PHLDB2: variants seen among roughly 807,000 people sequenced by gnomAD.
The protein encoded by PHLDB2 is pleckstrin homology-like domain family B member 2.
A neutral mutation model predicts 123.6 loss-of-function variants in PHLDB2; 71 were observed. The ratio of observed to expected loss-of-function variants is 0.57; its 90% CI spans 0.47 to 0.70. PHLDB2 has a LOEUF of 0.70. PHLDB2 is among the 30% of genes least tolerant of loss of function. The pLI is 0.00. For synonymous variants in PHLDB2, 547 were observed against 541.6 expected (o/e 1.01, Z -0.14); for missense variants, 1,446 against 1,519.5 (o/e 0.95, Z 0.80).
At chr3:111,876,584 G>A (rs2065632153) in intron 1 of PHLDB2, among the ~76,000 whole-genome samples, 2 of 151,812 alleles carry the variant, frequency 1.3e-5, no homozygotes, top group African/African-American at 2.4e-5. Flanking sequence ...TTTTTTTTAA[G>A]TTATACTTTA....
chr3:111,950,504 A>G (rs986310113), intron 10 of PHLDB2, among the ~76,000 whole-genome samples: 2 of 152,208 alleles, frequency 1.3e-5, no homozygotes, highest in Non-Finnish European at 2.9e-5. Flanking sequence ...TTTGGTCCAT[A>G]AATCTAGTTT....
At chr3:111,832,003 G>A (rs1559855994) in intron 1 of PHLDB2, among the ~76,000 whole-genome samples, 1 of 152,080 alleles carries the variant, frequency 6.6e-6, no homozygotes, top group Non-Finnish European at 1.5e-5. Context: ...AATGATCTGT[G>A]GTGCTGCTTC....
chr3:111,949,057 C>G lies in PHLDB2; in HGVS notation c.2613C>G (p.Ser871Arg). Residue 871 changes from serine (S) to arginine (R), a missense_variant, in exon 10 of 18, where the codon AGC becomes AGG. Around this residue, in one of 3 missense-constraint regions of PHLDB2, gnomAD observed 594 missense variants for 646.0 expected, o/e 0.92. Transcript: ENST00000431670. Reference sequence around the variant, plus strand: ...AGCCTGCCACAGCTGTGCTGGCGAGCCAGCCACAGAGTAAAGAGGTGTGTA... The same window carrying G: ...AGCCTGCCACAGCTGTGCTGGCGAGGCAGCCACAGAGTAAAGAGGTGTGTA... The part of the protein sequence containing the change: ...ATEPATAVLA[S>R]QPQSKEHFRS... 1 of 1,613,752 alleles carries G rather than the reference C, an allele frequency of 6.2e-7. No homozygotes were observed. The highest frequency in any genetic ancestry group is 1.1e-5 in the South Asian group (1 of 91,076).
chr3:111,966,528 G>GTA (rs1491351080), intron 13 of PHLDB2, 85 bp from the exon 14 acceptor site: 2 of 188,788 alleles, frequency 1.1e-5, no homozygotes, highest in African/African-American at 1.2e-4. Context: ...TGTGTCTGGG[G>GTA]TGTGTGTGTG....
At position 111,845,711 on chromosome 3, in the gene PHLDB2, C is replaced by T. The variant is rs2063952682; in HGVS notation, c.-48-110C>T. 6 of 1,264,426 alleles carry T rather than the reference C, an allele frequency of 4.7e-6. No individual in the cohort carries two copies. In the South Asian group the frequency reaches 7.3e-5, roughly 15 times the overall value. 78.3% of individuals were successfully genotyped at this position (1,264,426 alleles called of 1,614,324 possible). A position where few individuals can be genotyped will look rare whatever the true frequency, so the allele number is the denominator to read the frequency against. On this transcript the variant is annotated intron_variant, in intron 1 of 17. Coordinates refer to the PHLDB2 transcript ENST00000393923. Reference sequence around the variant, plus strand: ...TTCAACTTCAGCAGTAGTTAGTTTCCCCGGATGTTAAACATCTGAGTTCAA... The same window carrying T: ...TTCAACTTCAGCAGTAGTTAGTTTCTCCGGATGTTAAACATCTGAGTTCAA...
intron 2 of PHLDB2, among the ~76,000 whole-genome samples, chr3:111,903,085 A>C (rs866413284): frequency 1.3e-5 from 2 of 152,290 alleles, no homozygotes; most frequent in Middle Eastern, 6.8e-3. Context: ...GAATTGGTTC[A>C]TGAGATAAGA....
intron 1 of PHLDB2, among the ~76,000 whole-genome samples, chr3:111,764,286 C>T (rs2060041995): frequency 1.3e-5 from 2 of 152,196 alleles, no homozygotes; most frequent in African/African-American, 4.8e-5. Context: ...ACAAAGAAAT[C>T]CATTAAGTAA....
At position 111,962,230 on chromosome 3, in the gene PHLDB2, C is replaced by T. The variant is rs756029875; in HGVS notation, c.2995C>T (p.Gln999Ter). 1.9e-6 allele frequency: 3 copies of T among 1,580,482 alleles called. No homozygotes were observed. In the South Asian group the frequency reaches 3.6e-5, roughly 19 times the overall value. The change falls in exon 13 of 18, where the codon CAG (glutamine) becomes TAG (stop). Residue 999 changes from glutamine (Q) to a stop codon, truncating the protein, a stop_gained. Transcript: ENST00000431670. LOFTEE classifies it high-confidence loss of function. ...FHYPDHSYKD[Q>*]AFDTLSLDSS... ...TTATCCAGATCACAGCTACAAGGAC[C>T]AGGCCTTTGATACTCTGAGCCTCGA...
intron 6 of PHLDB2, among the ~76,000 whole-genome samples, chr3:111,935,453 G>T (rs2069418815): frequency 6.6e-6 from 1 of 151,772 alleles, no homozygotes; most frequent in African/African-American, 2.4e-5. Context: ...GAGTGTATTA[G>T]TCAGGGTTCT....
chr3:111,945,375 A>C lies in PHLDB2; in HGVS notation c.2487+18A>C. ...TAAAAGAGGTAAGCTATGATTTTACATGTCGCTTTATGTTGCCTTAGAAAT... is the reference window on the plus strand; with the variant it reads ...TAAAAGAGGTAAGCTATGATTTTACCTGTCGCTTTATGTTGCCTTAGAAAT... On this transcript the variant is annotated intron_variant, in intron 9 of 17. Transcript: ENST00000431670. The C allele has an allele frequency of 6.7e-7, 1 of 1,500,786 alleles. No individual in the cohort carries two copies. The highest frequency in any genetic ancestry group is 9.3e-7 in the Non-Finnish European group (1 of 1,080,492). The allele number at this position is 1,500,786 out of a possible 1,614,324, so 93.0% of individuals were successfully genotyped here.
In PHLDB2 at chr3:111,952,604, G is replaced by T; in HGVS notation, c.2664G>T (p.Gln888His). 6.2e-7 allele frequency: 1 copy of T among 1,613,358 alleles called. No homozygotes were observed. Among genetic ancestry groups the T allele is most frequent in the Non-Finnish European group, 8.5e-7 (1 of 1,179,710 alleles). ...GAAGTCTGGAAGAAAGGAAAAAACA[G>T]CATAAAGAAGGCCTCTATCTGAGTG... The part of the protein sequence containing the change: ...HFRSLEERKK[Q>H]HKEGLYLSDT... The change falls in exon 11 of 18, where the codon CAG becomes CAT. Residue 888 changes from glutamine (Q) to histidine (H), a missense_variant. Around this residue, in one of 3 missense-constraint regions of PHLDB2, gnomAD observed 594 missense variants for 646.0 expected, o/e 0.92. Transcript: ENST00000431670.
chr3:111,937,593 T>C (rs1344284533), intron 6 of PHLDB2, among the ~76,000 whole-genome samples: 6 of 151,990 alleles, frequency 3.9e-5, no homozygotes, highest in African/African-American at 1.2e-4. Flanking sequence ...CTGGGCAATA[T>C]GGCAAAACCC....
chr3:111,795,848 C>T (rs916702757), intron 1 of PHLDB2, among the ~76,000 whole-genome samples: 3 of 152,136 alleles, frequency 2.0e-5, no homozygotes, highest in Admixed American at 2.0e-4. Flanking sequence ...CCTCAGCCTC[C>T]CCAGCAGTTG....
intron 1 of PHLDB2, among the ~76,000 whole-genome samples, chr3:111,784,119 A>T (rs2060590498): frequency 6.6e-6 from 1 of 152,174 alleles, no homozygotes; most frequent in Admixed American, 6.6e-5. Context: ...GTTGGTTAAT[A>T]GGATCAGATC....
intron 1 of PHLDB2, among the ~76,000 whole-genome samples, chr3:111,764,347 A>G (rs2060042867): frequency 6.6e-6 from 1 of 152,180 alleles, no homozygotes; most frequent in Non-Finnish European, 1.5e-5. Context: ...ACTGACTAAA[A>G]CAATCCCAAC....
intron 8 of PHLDB2, among the ~76,000 whole-genome samples, chr3:111,941,211 T>C (rs556696727): frequency 1.4e-4 from 22 of 152,306 alleles, no homozygotes; most frequent in African/African-American, 5.3e-4. Flanking sequence ...ACACCTAAAG[T>C]GACTACCTGT....
intron 12 of PHLDB2, among the ~76,000 whole-genome samples, chr3:111,955,052 ACACACG>A (rs2070956332): frequency 6.6e-6 from 1 of 151,750 alleles, no homozygotes; most frequent in Non-Finnish European, 1.5e-5. Context: ...ACACACACAC[ACACACG>A]CACATATATG....
At chr3:111,797,212 C>T (rs981079952) in intron 1 of PHLDB2, among the ~76,000 whole-genome samples, 12 of 152,144 alleles carry the variant, frequency 7.9e-5, no homozygotes, top group African/African-American at 2.7e-4. Flanking sequence ...TATGTGTTGA[C>T]GTGATTATTG....
At chr3:111,770,030 C>A (rs2060147574) in intron 1 of PHLDB2, among the ~76,000 whole-genome samples, 2 of 152,112 alleles carry the variant, frequency 1.3e-5, no homozygotes, top group Non-Finnish European at 2.9e-5. Context: ...TGTCACTTTC[C>A]AGTATTTCTG....
Sources: allele counts gnomAD v4.1 joint callset (sites outside exome capture counted in the v4.1 genomes callset), GRCh38; gene constraint gnomAD v4.1.1; regional missense constraint gnomAD v4.1.1; transcripts MANE v1.5; gene names NCBI Gene and HGNC (gene_info 2026-07-23, HGNC 2026-07-21).